The following EPHA6 variants were observed in gnomAD, a reference collection of about 807,000 sequenced individuals.
EPHA6 encodes the protein ephrin type-A receptor 6.
EPHA6 carries 50 observed loss-of-function variants against 112.0 expected under a neutral mutation model. That is an observed-to-expected ratio of 0.45 (90% CI 0.36 to 0.56). The LOEUF is 0.56. Among genes scored for constraint, EPHA6 ranks in the 20% least tolerant of loss-of-function variants. EPHA6 has a pLI of 0.00. For synonymous variants in EPHA6, 529 were observed against 490.7 expected (o/e 1.08, Z -1.03); for missense variants, 1,280 against 1,417.4 (o/e 0.90, Z 1.56).
At chr3:97,367,438 C>T (rs2084798754) in intron 5 of EPHA6, among the ~76,000 whole-genome samples, 1 of 152,142 alleles carries the variant, frequency 6.6e-6, no homozygotes, top group South Asian at 2.1e-4. Context: ...GGTCGTGTCC[C>T]TGGGTGGCCG....
rs143839393 is a variant in EPHA6 at position 97,502,902 on chromosome 3, T to C, written c.2200+18843T>C. ...ATTATGCAGGATGGATTTGCTTTAGTCTTCACAAATAGAAAACAAAATAAC... is the reference window on the plus strand; with the variant it reads ...ATTATGCAGGATGGATTTGCTTTAGCCTTCACAAATAGAAAACAAAATAAC... On this transcript the variant is annotated intron_variant, in intron 10 of 17. Coordinates refer to ENST00000389672, the MANE Select transcript of EPHA6 (RefSeq NM_001080448.3). 6.3e-3 allele frequency among the ~76,000 whole-genome samples: 934 copies of C among 148,636 alleles called. 9 individuals carry two copies. Among genetic ancestry groups the C allele is most frequent in the African/African-American group, 0.021 (857 of 40,498 alleles).
At chr3:97,201,961 T>C (rs1160773309) in intron 3 of EPHA6, among the ~76,000 whole-genome samples, 2 of 152,136 alleles carry the variant, frequency 1.3e-5, no homozygotes, top group African/African-American at 4.8e-5. Context: ...CAAAGTACTC[T>C]AACTAGGCAC....
chr3:97,711,999 C>A (rs908254406), intron 14 of EPHA6, among the ~76,000 whole-genome samples: 7 of 152,006 alleles, frequency 4.6e-5, no homozygotes, highest in African/African-American at 1.7e-4. Context: ...TATAAAAATG[C>A]TTTATAAAAC....
At chr3:96,987,262 G>C in intron 2 of EPHA6, 68 bp from the exon 3 acceptor site, 1 of 1,376,910 alleles carries the variant, frequency 7.3e-7, no homozygotes, top group Non-Finnish European at 9.9e-7. Flanking sequence ...AAAAAAAATT[G>C]TAAGTAATCA....
chr3:97,455,482 C>T (rs1404543029), intron 7 of EPHA6, among the ~76,000 whole-genome samples: 1 of 151,974 alleles, frequency 6.6e-6, no homozygotes, highest in Non-Finnish European at 1.5e-5. Context: ...TCCCTTTCTA[C>T]CCATTCAGTA....
chr3:97,067,059 TTTC>T (rs1210972335), intron 3 of EPHA6, among the ~76,000 whole-genome samples: 1 of 152,240 alleles, frequency 6.6e-6, no homozygotes, highest in Non-Finnish European at 1.5e-5. Context: ...AGAAGACTTT[TTTC>T]TTCTTCTTAG....
At chr3:97,426,047 A>C (rs2089093835) in intron 6 of EPHA6, among the ~76,000 whole-genome samples, 1 of 152,208 alleles carries the variant, frequency 6.6e-6, no homozygotes, top group South Asian at 2.1e-4. Context: ...ACTTTCCCAA[A>C]TCTTCCTGTC....
chr3:97,709,853 G>A (rs1281332565), intron 14 of EPHA6, among the ~76,000 whole-genome samples: 1 of 152,152 alleles, frequency 6.6e-6, no homozygotes, highest in Non-Finnish European at 1.5e-5. Context: ...CTGCCACCAT[G>A]TAAGACATGC....
chr3:97,005,600 C>T (rs758660377), intron 3 of EPHA6, among the ~76,000 whole-genome samples: 1 of 152,110 alleles, frequency 6.6e-6, no homozygotes, highest in Admixed American at 6.6e-5. Flanking sequence ...TATTTGAATA[C>T]CCTTTGTTTC....
At chr3:97,559,017 T>C (rs1228320312) in intron 11 of EPHA6, among the ~76,000 whole-genome samples, 14 of 152,054 alleles carry the variant, frequency 9.2e-5, no homozygotes, top group African/African-American at 3.1e-4. Flanking sequence ...ATATGTGTCA[T>C]CATTTAAAAA....
At chr3:96,919,114 A>G (rs1472516822) in intron 2 of EPHA6, among the ~76,000 whole-genome samples, 3 of 151,958 alleles carry the variant, frequency 2.0e-5, no homozygotes, top group Non-Finnish European at 2.9e-5. Flanking sequence ...CATAAATAAA[A>G]TATGGGCAAC....
intron 3 of EPHA6, among the ~76,000 whole-genome samples, chr3:97,207,369 G>A (rs575275790): frequency 3.9e-5 from 6 of 152,106 alleles, no homozygotes; most frequent in Non-Finnish European, 8.8e-5. Flanking sequence ...ATTCTCACAA[G>A]TGCCCATACT....
At chr3:97,728,654 G>T (rs543542237) in intron 15 of EPHA6, among the ~76,000 whole-genome samples, 3 of 152,054 alleles carry the variant, frequency 2.0e-5, no homozygotes, top group Middle Eastern at 3.2e-3. Context: ...TAGATTTTTT[G>T]AGGTGAAAGG....
At chr3:97,627,185 T>C (rs967135960) in intron 13 of EPHA6, among the ~76,000 whole-genome samples, 4 of 151,908 alleles carry the variant, frequency 2.6e-5, no homozygotes, top group African/African-American at 9.7e-5. Context: ...GTTATGCAAA[T>C]ATGTATTGAC....
chr3:97,350,320 T>C (rs2083746706), intron 5 of EPHA6, among the ~76,000 whole-genome samples: 1 of 152,188 alleles, frequency 6.6e-6, no homozygotes, highest in Admixed American at 6.6e-5. Context: ...AAGGTTGTTA[T>C]TGTTTACAGT....
rs937685367 is a variant in EPHA6 at position 97,377,121 on chromosome 3, C to T, written c.1607-28029C>T. On this transcript the variant is annotated intron_variant, in intron 5 of 17. Coordinates refer to ENST00000389672, the MANE Select transcript of EPHA6 (RefSeq NM_001080448.3). ...CCATTATGTGACTGATATGGTTTCA[C>T]TCTGTGTCCCCACCCAAATCTCATC... Among the ~76,000 whole-genome samples the T allele has an allele frequency of 3.3e-4, 50 of 152,150 alleles. 1 individual carries two copies. The highest frequency in any genetic ancestry group is 1.2e-3 in the African/African-American group (48 of 41,432).
At chr3:97,172,040 TAAG>T (rs2076717459) in intron 3 of EPHA6, among the ~76,000 whole-genome samples, 1 of 151,994 alleles carries the variant, frequency 6.6e-6, no homozygotes, top group South Asian at 2.1e-4. Flanking sequence ...TGGTCACCTT[TAAG>T]AATATGGTTT....
At chr3:96,914,522 T>C (rs2039390671) in intron 2 of EPHA6, among the ~76,000 whole-genome samples, 1 of 152,158 alleles carries the variant, frequency 6.6e-6, no homozygotes, top group Non-Finnish European at 1.5e-5. Flanking sequence ...GCTCTTGAAG[T>C]TATAGTTTGT....
intron 5 of EPHA6, among the ~76,000 whole-genome samples, chr3:97,365,059 C>T (rs2084637932): frequency 6.6e-6 from 1 of 152,152 alleles, no homozygotes; most frequent in Non-Finnish European, 1.5e-5. Flanking sequence ...ACTAGACCTG[C>T]TCTACTTGAT....
Sources: allele counts gnomAD v4.1 joint callset (sites outside exome capture counted in the v4.1 genomes callset), GRCh38; gene constraint gnomAD v4.1.1; transcripts MANE v1.5; gene names NCBI Gene and HGNC (gene_info 2026-07-23, HGNC 2026-07-21).